Variants in ANK1 observed in about 807,000 individuals in gnomAD.
ANK1 encodes the protein ankyrin-1.
Under a neutral mutation model 210.4 loss-of-function variants are expected in ANK1, and 51 were observed. The ratio of observed to expected loss-of-function variants is 0.24; its 90% confidence interval spans 0.19 to 0.31. The LOEUF is 0.31. Among genes scored for constraint, ANK1 ranks in the 10% least tolerant of loss-of-function variants. ANK1 has a pLI of 1.00. For synonymous variants in ANK1, 967 were observed against 1,025.9 expected (o/e 0.94, Z 1.10); for missense variants, 2,051 against 2,504.4 (o/e 0.82, Z 3.86).
At chr8:41,665,006 G>C in intron 39 of ANK1, 1 of 1,613,898 alleles carries the variant, frequency 6.2e-7, no homozygotes, top group Non-Finnish European at 8.5e-7. Context: ...CCAACAGCTG[G>C]GTGACGAAAG....
intron 2 of ANK1, among the ~76,000 whole-genome samples, chr8:41,737,970 G>A (rs1833850692): frequency 6.6e-6 from 1 of 152,156 alleles, no homozygotes; most frequent in Non-Finnish European, 1.5e-5. Context: ...AACACAAACT[G>A]TTTCCCTTGA....
intron 1 of ANK1, among the ~76,000 whole-genome samples, chr8:41,839,505 C>T (rs143623994): frequency 6.6e-6 from 1 of 152,360 alleles, no homozygotes; most frequent in East Asian, 1.9e-4. Context: ...TAGCAGGAAA[C>T]AGGCTTGGCC....
intron 40 of ANK1, among the ~76,000 whole-genome samples, chr8:41,662,391 G>A (rs1214915658): frequency 3.3e-5 from 5 of 152,230 alleles, no homozygotes; most frequent in Non-Finnish European, 7.3e-5. Context: ...AAGAGGGACA[G>A]CCTTTGCCCC....
intron 1 of ANK1, among the ~76,000 whole-genome samples, chr8:41,789,982 G>A (rs781773787): frequency 6.6e-5 from 10 of 152,242 alleles, no homozygotes; most frequent in South Asian, 2.1e-4. Flanking sequence ...TGAACCTGTC[G>A]CCACCTGGAT....
chr8:41,661,339 T>C, intron 42 of ANK1, 91 bp downstream of exon 42: 1 of 1,543,110 alleles, frequency 6.5e-7, no homozygotes, highest in East Asian at 2.3e-5. Flanking sequence ...CACATCATGC[T>C]GGGGTGGCTG....
intron 42 of ANK1, among the ~76,000 whole-genome samples, chr8:41,660,759 T>C (rs1028916889): frequency 2.0e-5 from 3 of 152,174 alleles, no homozygotes; most frequent in Admixed American, 6.5e-5. Flanking sequence ...GGCTCAGCCC[T>C]TTCCTAGAAA....
chr8:41,811,669 C>T (rs1384452865), intron 1 of ANK1, among the ~76,000 whole-genome samples: 8 of 152,236 alleles, frequency 5.3e-5, no homozygotes, highest in African/African-American at 1.9e-4. Context: ...CGGAACCTCC[C>T]AAACCTCAGT....
At chr8:41,664,671 C>A in intron 39 of ANK1, 1 of 879,420 alleles carries the variant, frequency 1.1e-6, no homozygotes, top group Non-Finnish European at 1.8e-6. Flanking sequence ...GAACATGATC[C>A]CTGGGGGCCT....
intron 2 of ANK1, among the ~76,000 whole-genome samples, chr8:41,751,182 A>G (rs1283544126): frequency 6.6e-6 from 1 of 152,226 alleles, no homozygotes; most frequent in East Asian, 1.9e-4. Flanking sequence ...TTGATTTGAT[A>G]TTAATCTAAC....
chr8:41,813,930 C>T (rs564913860), intron 1 of ANK1, among the ~76,000 whole-genome samples: 5 of 152,282 alleles, frequency 3.3e-5, no homozygotes, highest in African/African-American at 1.2e-4. Context: ...AACCTTAGTT[C>T]CTTAAAGTTG....
intron 1 of ANK1, among the ~76,000 whole-genome samples, chr8:41,773,599 G>A (rs1360336087): frequency 6.6e-6 from 1 of 152,170 alleles, no homozygotes; most frequent in African/African-American, 2.4e-5. Context: ...TGCACACCGG[G>A]TCTCTTTTTC....
chr8:41,831,310 A>G (rs2102360), intron 1 of ANK1, among the ~76,000 whole-genome samples: 23,230 of 152,178 alleles, frequency 0.15, 1,923 homozygotes, highest in African/African-American at 0.18. Context: ...CATACTTTGC[A>G]CATGACCCAG....
chr8:41,701,233 A>C lies in ANK1; in HGVS notation c.2461+317T>G, dbSNP rs368679598. ...AGGCAGAATTTTATTACAGTTCCTCATGGTGCGGAGACTTGATCTCAGTAG... is the reference window on the plus strand; with the variant it reads ...AGGCAGAATTTTATTACAGTTCCTCCTGGTGCGGAGACTTGATCTCAGTAG... On this transcript the variant is annotated intron_variant, in intron 22 of 42. Transcript: ENST00000289734. 1.4e-4 allele frequency among the ~76,000 whole-genome samples: 21 copies of C among 152,326 alleles called. No individual in the cohort carries two copies. The East Asian group carries it at 4.0e-3, about 29-fold the overall frequency.
intron 16 of ANK1, among the ~76,000 whole-genome samples, chr8:41,710,357 G>A (rs1206337914): frequency 6.6e-6 from 1 of 152,206 alleles, no homozygotes; most frequent in African/African-American, 2.4e-5. Context: ...ATGTCACGTA[G>A]TAAGCAGAAC....
chr8:41,821,462 T>A (rs899627348), intron 1 of ANK1, among the ~76,000 whole-genome samples: 4 of 152,054 alleles, frequency 2.6e-5, no homozygotes, highest in Non-Finnish European at 4.4e-5. Context: ...TATCACTAGA[T>A]GTCATTCAAC....
chr8:41,804,841 C>G (rs1242913902), intron 1 of ANK1, among the ~76,000 whole-genome samples: 1 of 152,092 alleles, frequency 6.6e-6, no homozygotes, highest in Non-Finnish European at 1.5e-5. Context: ...GAGAAGTGAC[C>G]TCAGTCATTT....
intron 1 of ANK1, among the ~76,000 whole-genome samples, chr8:41,870,622 C>T (rs531173671): frequency 3.3e-5 from 5 of 152,190 alleles, no homozygotes; most frequent in Non-Finnish European, 5.9e-5. Flanking sequence ...AACGTGTGGC[C>T]GGCGTGAGGG....
chr8:41,866,175 TTC>T (rs949442312), intron 1 of ANK1, among the ~76,000 whole-genome samples: 13 of 151,846 alleles, frequency 8.6e-5, no homozygotes, highest in African/African-American at 3.2e-4. Context: ...AAAGGTAATT[TTC>T]TTTCTTTTTT....
Position 41,661,575 on chromosome 8 carries a change from C to T in ANK1, c.5545-11G>A. On this transcript the variant is annotated splice_polypyrimidine_tract_variant and intron_variant, in intron 41 of 42. Transcript: ENST00000289734. ...CCCTCTCAGCTCCACCTGCAGACAG[C>T]AGCAGAGACAGAAAGCAGGACAGAT... is the stretch of plus-strand genomic sequence containing the variant. 5.0e-6 allele frequency: 8 copies of T among 1,613,684 alleles called. No individual in the cohort carries two copies. Among genetic ancestry groups the T allele is most frequent in the South Asian group, 3.3e-5 (3 of 91,078 alleles).
Sources: gnomAD v4.1 joint callset for allele counts (sites outside exome capture counted in the v4.1 genomes callset) on GRCh38, gnomAD v4.1.1 for gene constraint, MANE v1.5 for transcripts, NCBI Gene and HGNC (gene_info 2026-07-23, HGNC 2026-07-21) for gene names.